PSG8: variants seen among roughly 807,000 people sequenced by gnomAD.
PSG8 encodes the protein pregnancy-specific beta-1-glycoprotein 8.
PSG8 carries 57 observed loss-of-function variants against 42.5 expected under a neutral mutation model. That is an observed-to-expected ratio of 1.34 (90% confidence interval 1.08 to 1.67). PSG8 has a LOEUF of 1.67. PSG8 is among the 40% of genes most tolerant of loss of function. PSG8 has a pLI of 0.00. For synonymous variants in PSG8, 280 were observed against 196.8 expected, an observed-to-expected ratio of 1.42 and a Z score of -3.54; for missense variants, 783 against 518.6, an observed-to-expected ratio of 1.51 and a Z score of -4.95.
chr19:42,753,890 A>G (rs1205078500), downstream of PSG8: 4 of 495,724 alleles, frequency 8.1e-6, no homozygotes, highest in Non-Finnish European at 1.2e-5. Context: ...ATAGTTGCCC[A>G]ATTCTGGGGC....
intron 2 of PSG8, among the ~76,000 whole-genome samples, chr19:42,760,947 A>G (rs533784326): frequency 6.6e-6 from 1 of 152,154 alleles, no homozygotes; most frequent in Admixed American, 6.6e-5. Context: ...TTAGAACCGA[A>G]TGACAAATTT....
At position 42,764,221 on chromosome 19, in the gene PSG8, G is replaced by T. The variant is rs768322602; in HGVS notation, c.125C>A (p.Pro42Gln). 3.7e-6 allele frequency: 6 copies of T among 1,613,664 alleles called. No homozygotes were observed. Among genetic ancestry groups the T allele is most frequent in the Non-Finnish European group, 4.2e-6 (5 of 1,179,836 alleles). Residue 42 changes from proline to glutamine, a missense_variant, in exon 2 of 5, where the codon CCA becomes CAA. Transcript: ENST00000306511. ...ATCCTTCCCCTCAGAAACTTTGGTTGGCTGGGCTTCAATCGTGACTTGGGC... is the reference window on the plus strand; with the variant it reads ...ATCCTTCCCCTCAGAAACTTTGGTTTGCTGGGCTTCAATCGTGACTTGGGC... Reference protein sequence around the residue: ...TTAQVTIEAQPTKVSEGKDVL... With the variant: ...TTAQVTIEAQQTKVSEGKDVL...
intron 3 of PSG8, 117 bp from the exon 4 acceptor site, chr19:42,755,383 A>C (rs965547718): frequency 6.5e-6 from 10 of 1,531,434 alleles, no homozygotes; most frequent in African/African-American, 1.4e-5. Flanking sequence ...CTTGAAAGCC[A>C]ATAGCTGGTG....
intron 2 of PSG8, 100 bp downstream of exon 2, chr19:42,763,816 G>C: frequency 3.8e-6 from 6 of 1,592,872 alleles, no homozygotes; most frequent in Non-Finnish European, 5.2e-6. Context: ...ACATAATGCA[G>C]AGAGGGACAC....
At chr19:42,765,494 T>A in intron 1 of PSG8, 24 bp downstream of exon 1, 1 of 1,608,834 alleles carries the variant, frequency 6.2e-7, no homozygotes, top group Non-Finnish European at 8.5e-7. Flanking sequence ...CCTCCTGTCC[T>A]CTCCCAGGAG....
intron 3 of PSG8, 31 bp from the exon 4 acceptor site, chr19:42,755,297 G>T (rs1370762675): frequency 4.4e-6 from 7 of 1,592,734 alleles, no homozygotes; most frequent in Admixed American, 1.7e-5. Flanking sequence ...AGATTGTCCT[G>T]TGTGGCACCT....
Position 42,755,276 on chromosome 19 carries a change from T to A in PSG8, c.710-10A>T, listed in dbSNP as rs548809656. On this transcript the variant is annotated splice_polypyrimidine_tract_variant and intron_variant, in intron 3 of 4. Coordinates refer to ENST00000306511, the MANE Select transcript of PSG8 (RefSeq NM_182707.3). Reference sequence around the variant, plus strand: ...GGCTTGGGCAGCTTCGCTGTGTGGATAACAGAGAGAAGATTGTCCTGTGTG... The same window carrying A: ...GGCTTGGGCAGCTTCGCTGTGTGGAAAACAGAGAGAAGATTGTCCTGTGTG... 613 of 1,610,600 alleles carry A rather than the reference T, an allele frequency of 3.8e-4. 7 individuals carry two copies. The South Asian group carries it at 6.5e-3, about 17-fold the overall frequency.
intron 2 of PSG8, among the ~76,000 whole-genome samples, chr19:42,760,384 C>G (rs1476616059): frequency 6.6e-6 from 1 of 152,120 alleles, no homozygotes; most frequent in Non-Finnish European, 1.5e-5. Flanking sequence ...CCCACAGCTA[C>G]AAAATTTAAA....
intron 3 of PSG8, 137 bp downstream of exon 3, chr19:42,757,865 C>T: frequency 6.3e-7 from 1 of 1,591,582 alleles, no homozygotes; most frequent in Non-Finnish European, 8.6e-7. Flanking sequence ...TTGCCTGGGG[C>T]AGAAAGTCAT....
intron 2 of PSG8, chr19:42,758,494 A>G (rs1969990932): frequency 3.7e-6 from 4 of 1,087,470 alleles, no homozygotes; most frequent in East Asian, 2.7e-5. Flanking sequence ...GACTTTCTCA[A>G]GTGTGAATTG....
chr19:42,753,259 A>T, downstream of PSG8: 1 of 779,130 alleles, frequency 1.3e-6, no homozygotes, highest in Non-Finnish European at 2.4e-6. Context: ...TGAAATTTAC[A>T]TTGAGTTGTC....
downstream of PSG8, chr19:42,753,851 T>C (rs993498882): frequency 4.4e-6 from 2 of 457,160 alleles, no homozygotes; most frequent in Non-Finnish European, 8.5e-6. Context: ...CAAATATGTG[T>C]ATTACCATAA....
In PSG8 at chr19:42,754,415, C is replaced by T. The variant is rs950604642; in HGVS notation, c.1161G>A (p.Lys387=). The change falls in exon 5 of 5, where the codon AAG becomes AAA. Residue 387 remains lysine, a synonymous_variant. Transcript: ENST00000306511. ...CAGAGCAAGCATAGAGCCCGCTATG[C>T]TTTGTAGTAATTTGGGGGATAAAGA... ...QKLFIPQITT[K]HSGLYACSVR... The T allele has an allele frequency of 6.2e-7, 1 of 1,613,708 alleles. No individual in the cohort carries two copies. The highest frequency in any genetic ancestry group is 8.5e-7 in the Non-Finnish European group (1 of 1,179,800).
Position 42,764,013 on chromosome 19 carries a change from A to C in PSG8, c.333T>G (p.Asn111Lys). ...AGGATCCTGCGTCTTCCTGGGTGAC[A>C]TTCTGGATCAGCAGGGATGCATTGG... is the stretch of plus-strand genomic sequence containing the variant. The part of the protein sequence containing the change: ...IYSNASLLIQ[N>K]VTQEDAGSYT... Residue 111 changes from asparagine to lysine, a missense_variant, in exon 2 of 5, where the codon AAT becomes AAG. Coordinates refer to ENST00000306511, the MANE Select transcript of PSG8 (RefSeq NM_182707.3). 1 of 1,613,108 alleles carries C rather than the reference A, an allele frequency of 6.2e-7. No individual in the cohort carries two copies.
intron 1 of PSG8, among the ~76,000 whole-genome samples, chr19:42,765,277 C>G (rs1429793222): frequency 6.6e-6 from 1 of 151,946 alleles, no homozygotes; most frequent in Admixed American, 6.5e-5. Flanking sequence ...CTCAGCCTCC[C>G]GAGTAGCTAG....
At chr19:42,753,515 A>T, downstream of PSG8, 1 of 652,848 alleles carries the variant, frequency 1.5e-6, no homozygotes, top group Non-Finnish European at 2.7e-6. Flanking sequence ...TCAGTAGAAT[A>T]AGTTTGTTTG....
At chr19:42,765,138 TC>T (rs1252943206) in intron 1 of PSG8, among the ~76,000 whole-genome samples, 3 of 150,280 alleles carry the variant, frequency 2.0e-5, no homozygotes, top group Non-Finnish European at 2.9e-5. Flanking sequence ...GAGCCTTCTT[TC>T]CTTTTTCTCT....
intron 2 of PSG8, among the ~76,000 whole-genome samples, chr19:42,760,729 C>T (rs760824112): frequency 3.9e-5 from 6 of 152,042 alleles, no homozygotes; most frequent in Non-Finnish European, 5.9e-5. Flanking sequence ...ACTACAGGGG[C>T]CCGCCACCAT....
intron 3 of PSG8, 137 bp from the exon 4 acceptor site, chr19:42,755,403 C>G: frequency 4.1e-6 from 6 of 1,469,838 alleles, no homozygotes; most frequent in Non-Finnish European, 5.5e-6. Flanking sequence ...GCGTGTGTCA[C>G]AAGACAGATG....
Sources: allele counts gnomAD v4.1 joint callset (sites outside exome capture counted in the v4.1 genomes callset), GRCh38; gene constraint gnomAD v4.1.1; transcripts MANE v1.5; gene names NCBI Gene and HGNC (gene_info 2026-07-23, HGNC 2026-07-21).